Variants in TRIM4 observed in about 807,000 individuals in gnomAD.
TRIM4 encodes E3 ubiquitin-protein ligase TRIM4.
In TRIM4, 29 loss-of-function variants were observed where a neutral mutation model predicts 33.7. The observed-to-expected ratio is 0.86, with a 90% CI of 0.64 to 1.17. The LOEUF (loss-of-function observed/expected upper bound fraction) is 1.17, where lower values mean the gene tolerates loss of function less well. TRIM4 is among the 50% of genes most tolerant of loss of function. The probability of loss-of-function intolerance (pLI) is 0.00; values close to 1 mark genes in which losing one functional copy is unlikely to be tolerated. For missense variants in TRIM4, 554 were observed against 593.7 expected (o/e 0.93, Z 0.69); for synonymous variants, 224 against 233.0 (o/e 0.96, Z 0.35).
rs1818881634 is a variant in TRIM4, at chr7:99,890,999, T to G, written c.*1164A>C. 6.6e-6 allele frequency: 1 copy of G among 152,234 alleles called. No individual in the cohort carries two copies. The highest frequency in any genetic ancestry group is 1.5e-5 in the Non-Finnish European group (1 of 68,050). The allele number at this position is 152,234 out of a possible 1,614,324, so 9.4% of individuals were successfully genotyped here. On this transcript the variant is annotated 3_prime_UTR_variant, in exon 6 of 6. Coordinates refer to ENST00000349062, the MANE Select transcript of TRIM4 (RefSeq NM_033091.3). The stretch of plus-strand genomic sequence containing the variant: ...TTATACTTTTTGCATCTTACAAACT[T>G]TCTACAATAAGTACACATGACTTAT...
intron 2 of TRIM4, 48 bp from the exon 3 acceptor site, chr7:99,908,860 C>T: frequency 6.5e-7 from 1 of 1,541,338 alleles, no homozygotes; most frequent in South Asian, 1.2e-5. Context: ...CTGACCCCAG[C>T]TACTAAATTC....
At chr7:99,896,106 T>G (rs1223621369) in intron 5 of TRIM4, among the ~76,000 whole-genome samples, 1 of 152,246 alleles carries the variant, frequency 6.6e-6, no homozygotes, top group Non-Finnish European at 1.5e-5. Context: ...CCTTATTTTT[T>G]ATTAATCTTT....
At chr7:99,900,531 C>T (rs1819138750) in intron 5 of TRIM4, among the ~76,000 whole-genome samples, 1 of 152,196 alleles carries the variant, frequency 6.6e-6, no homozygotes, top group South Asian at 2.1e-4. Context: ...CGTGTCATTA[C>T]CATTTCTGGT....
chr7:99,903,571 C>A lies in TRIM4; in HGVS notation c.743+5G>T. 1 of 1,614,192 alleles carries A rather than the reference C, an allele frequency of 6.2e-7. No individual in the cohort carries two copies. Among genetic ancestry groups the A allele is most frequent in the Non-Finnish European group, 8.5e-7 (1 of 1,180,022 alleles). On this transcript the variant is annotated splice_donor_5th_base_variant and intron_variant, in intron 4 of 5. Coordinates refer to ENST00000349062, the MANE Select transcript of TRIM4 (RefSeq NM_033091.3). ...AGGTCCCCATAAGAGAACAGGAGTG[C>A]ATACCTGGTCAACACTTCTTTTGGA...
chr7:99,892,152 G>T lies in TRIM4; in HGVS notation c.*11C>A. 1.3e-6 allele frequency: 2 copies of T among 1,589,398 alleles called. No homozygotes were observed. The highest frequency in any genetic ancestry group is 1.2e-5 in the South Asian group (1 of 86,314). On this transcript the variant is annotated 3_prime_UTR_variant, in exon 6 of 6. Transcript: ENST00000349062. ...TACAGGGAAGGAGTTTTGGTCAGGG[G>T]AAGAAAAGCCTCATTTCCTATCAGT...
rs765765867 is a variant in TRIM4, at chr7:99,892,608, T to C, written c.980A>G (p.Asn327Ser). Residue 327 changes from asparagine (N) to serine (S), a missense_variant, in exon 6 of 6, where the codon AAT becomes AGT. Coordinates refer to ENST00000349062, the MANE Select transcript of TRIM4 (RefSeq NM_033091.3). ...SAWNYFAGWR[N>S]PQKTAFVERF... ...CTCTACAAAAGCAGTCTTCTGAGGATTCCTCCATCCAGCAAAGTAGTTCCA... is the reference window on the plus strand; with the variant it reads ...CTCTACAAAAGCAGTCTTCTGAGGACTCCTCCATCCAGCAAAGTAGTTCCA... 4 of 1,614,174 alleles carry C rather than the reference T, an allele frequency of 2.5e-6. No individual in the cohort carries two copies. The East Asian group carries it at 8.9e-5, about 36-fold the overall frequency.
chr7:99,891,410 G>C lies in TRIM4; in HGVS notation c.*753C>G, dbSNP rs1236311033. ...TTTAACAAGCGTTCAACATTCTCAT[G>C]ATGACATGAATAACACTGTACATAC... On this transcript the variant is annotated 3_prime_UTR_variant, in exon 6 of 6. Coordinates refer to ENST00000349062, the MANE Select transcript of TRIM4 (RefSeq NM_033091.3). The C allele has an allele frequency of 6.6e-6, 1 of 152,212 alleles. No homozygotes were observed. The highest frequency in any genetic ancestry group is 1.5e-5 in the Non-Finnish European group (1 of 68,048). 9.4% of individuals were successfully genotyped at this position (152,212 alleles called of 1,614,324 possible).
chr7:99,902,273 G>A (rs1450980889), intron 5 of TRIM4: 2 of 697,204 alleles, frequency 2.9e-6, no homozygotes, highest in African/African-American at 3.5e-5. Flanking sequence ...TTGAGACAGA[G>A]TCTCACTCTA....
intron 1 of TRIM4, among the ~76,000 whole-genome samples, chr7:99,910,749 T>C (rs1819421845): frequency 6.6e-6 from 1 of 152,238 alleles, no homozygotes; most frequent in Non-Finnish European, 1.5e-5. Flanking sequence ...ATGCCATTTT[T>C]GTAATTTAAA....
rs577961314 is a variant in TRIM4, at chr7:99,892,124, G to T, written c.*39C>A. ...CCCAGGGATGTGTGTCCCTCAGCTG[G>T]ACTACAGGGAAGGAGTTTTGGTCAG... On this transcript the variant is annotated 3_prime_UTR_variant, in exon 6 of 6. Transcript: ENST00000349062. The T allele has an allele frequency of 2.0e-6, 3 of 1,527,508 alleles. No individual in the cohort carries two copies. In the East Asian group the frequency reaches 6.7e-5, roughly 34 times the overall value. The allele number at this position is 1,527,508 out of a possible 1,614,324, so 94.6% of individuals were successfully genotyped here. A position where few individuals can be genotyped will look rare whatever the true frequency, so the allele number is the denominator to read the frequency against.
chr7:99,919,255 G>A lies in TRIM4; in HGVS notation c.147C>T (p.Cys49=), dbSNP rs1223274685. ...GCGCCGATGGGTGCCGACATTCGGG[G>A]CAGGGGAACGGGCCGCCGCCCGGCG... ...NWAPGGGPFP[C]PECRHPSAPA... Residue 49 remains cysteine (C), a synonymous_variant, in exon 1 of 6, where the codon TGC becomes TGT. Transcript: ENST00000349062. 2.6e-6 allele frequency: 4 copies of A among 1,543,414 alleles called. No individual in the cohort carries two copies. The highest frequency in any genetic ancestry group is 3.5e-6 in the Non-Finnish European group (4 of 1,144,372).
chr7:99,898,101 T>C (rs564328498), intron 5 of TRIM4, among the ~76,000 whole-genome samples: 1 of 152,322 alleles, frequency 6.6e-6, no homozygotes, highest in African/African-American at 2.4e-5. Context: ...ATGTCTATAT[T>C]TGGCATGATA....
intron 1 of TRIM4, among the ~76,000 whole-genome samples, chr7:99,918,769 A>G (rs1478982103): frequency 6.6e-6 from 1 of 152,114 alleles, no homozygotes; most frequent in East Asian, 1.9e-4. Context: ...TGAGCTCCCC[A>G]AGGGCCAGTT....
intron 3 of TRIM4, among the ~76,000 whole-genome samples, chr7:99,906,566 C>T (rs900064573): frequency 8.6e-5 from 13 of 151,664 alleles, no homozygotes; most frequent in African/African-American, 3.2e-4. Flanking sequence ...GAATACAGAG[C>T]AATAAAGGTA....
chr7:99,901,297 A>G (rs1210916613), intron 5 of TRIM4: 2 of 152,128 alleles, frequency 1.3e-5, no homozygotes, highest in South Asian at 4.1e-4. Flanking sequence ...TCTGGTCTCT[A>G]TGTACCTCTT....
intron 1 of TRIM4, among the ~76,000 whole-genome samples, chr7:99,915,364 TCA>T (rs1819531786): frequency 6.6e-6 from 1 of 152,096 alleles, no homozygotes; most frequent in Non-Finnish European, 1.5e-5. Flanking sequence ...GCTCCTAGAG[TCA>T]GGCATGAAGG....
At chr7:99,913,415 T>C (rs1023234644) in intron 1 of TRIM4, among the ~76,000 whole-genome samples, 26 of 152,170 alleles carry the variant, frequency 1.7e-4, no homozygotes, top group African/African-American at 4.8e-4. Context: ...ACGCCTGTAA[T>C]CCCAGCACTT....
At chr7:99,893,267 TA>T (rs112791366) in intron 5 of TRIM4, among the ~76,000 whole-genome samples, 1,517 of 146,176 alleles carry the variant, frequency 0.01, 21 homozygotes, top group African/African-American at 0.034. Context: ...ATTCTATCTT[TA>T]AAAAAAAAAA....
At chr7:99,908,385 A>G (rs1819358035) in intron 3 of TRIM4, 197 bp downstream of exon 3, 1 of 545,026 alleles carries the variant, frequency 1.8e-6, no homozygotes, top group African/African-American at 1.9e-5. Flanking sequence ...CTATGAGCTG[A>G]GCTCAGCATA....
Sources: gnomAD v4.1 joint callset for allele counts (sites outside exome capture counted in the v4.1 genomes callset) on GRCh38, gnomAD v4.1.1 for gene constraint, MANE v1.5 for transcripts, NCBI Gene and HGNC (gene_info 2026-07-23, HGNC 2026-07-21) for gene names.